The following PAM variants were observed in gnomAD, a reference collection of about 807,000 sequenced individuals.
PAM encodes peptidyl-glycine alpha-amidating monooxygenase.
Under a neutral mutation model 122.1 loss-of-function variants are expected in PAM, and 72 were observed. The observed-to-expected ratio is 0.59, with a 90% CI of 0.49 to 0.72. The LOEUF is 0.72. PAM is among the 30% of genes least tolerant of loss of function. PAM has a pLI of 0.00. For synonymous variants in PAM, 389 were observed against 404.4 expected, an observed-to-expected ratio of 0.96 and a Z score of 0.46; for missense variants, 1,106 against 1,183.7, an observed-to-expected ratio of 0.93 and a Z score of 0.96.
chr5:102,924,808 A>T, intron 5 of PAM, 149 bp from the exon 6 acceptor site: 1 of 555,960 alleles, frequency 1.8e-6, no homozygotes, highest in Non-Finnish European at 3.3e-6. Context: ...TCCAGTCTTT[A>T]TTCGGATCTT....
intron 1 of PAM, among the ~76,000 whole-genome samples, chr5:102,805,607 T>C (rs1444476953): frequency 6.6e-6 from 1 of 152,188 alleles, no homozygotes; most frequent in Non-Finnish European, 1.5e-5. Context: ...TCTGTGGGTG[T>C]GTACTTCACA....
chr5:102,991,717 A>C (rs1231590699), intron 16 of PAM, among the ~76,000 whole-genome samples: 1 of 152,196 alleles, frequency 6.6e-6, no homozygotes, highest in Non-Finnish European at 1.5e-5. Context: ...ATCACTTCAG[A>C]GTTCAAAGTA....
At chr5:102,789,500 C>T (rs1761486239) in intron 1 of PAM, among the ~76,000 whole-genome samples, 2 of 152,122 alleles carry the variant, frequency 1.3e-5, no homozygotes, top group South Asian at 4.1e-4. Context: ...CATGGCTGAT[C>T]CTTGAAGACA....
At chr5:102,935,488 T>C (rs1029165753) in intron 7 of PAM, among the ~76,000 whole-genome samples, 7 of 152,146 alleles carry the variant, frequency 4.6e-5, no homozygotes, top group African/African-American at 1.7e-4. Context: ...TTTTTGCTAT[T>C]ATAAGCAATG....
chr5:103,002,864 C>T (rs1350407527), intron 16 of PAM, among the ~76,000 whole-genome samples, 169 bp from the exon 17 acceptor site: 3 of 152,126 alleles, frequency 2.0e-5, no homozygotes, highest in Non-Finnish European at 4.4e-5. Context: ...CATGGTTCTA[C>T]AGGTTAATGG....
chr5:103,007,374 T>C, intron 19 of PAM, 83 bp from the exon 20 acceptor site: 1 of 1,103,064 alleles, frequency 9.1e-7, no homozygotes, highest in Non-Finnish European at 1.4e-6. Context: ...TGGTTTACTA[T>C]CATGAATTTA....
chr5:102,901,820 C>G (rs1008370184), intron 4 of PAM, among the ~76,000 whole-genome samples: 2 of 150,626 alleles, frequency 1.3e-5, no homozygotes, highest in South Asian at 4.2e-4. Flanking sequence ...ACCTGTCAGA[C>G]AGGTAGATGG....
intron 15 of PAM, among the ~76,000 whole-genome samples, chr5:102,985,840 T>TGAG (rs1771641889): frequency 6.6e-6 from 1 of 152,074 alleles, no homozygotes; most frequent in African/African-American, 2.4e-5. Context: ...TGCAAAATCC[T>TGAG]CAACACAGTA....
At chr5:103,003,955 C>CA (rs35343295) in intron 17 of PAM, among the ~76,000 whole-genome samples, 1,678 of 127,780 alleles carry the variant, frequency 0.013, 9 homozygotes, top group African/African-American at 0.016. Flanking sequence ...ACTTGGCAGC[C>CA]AAAAAAAAAA....
chr5:102,789,665 G>A (rs1761538020), intron 1 of PAM, among the ~76,000 whole-genome samples: 1 of 152,042 alleles, frequency 6.6e-6, no homozygotes, highest in African/African-American at 2.4e-5. Flanking sequence ...TATTTAATAG[G>A]TACAGAGTTT....
rs1582911774 is a variant in PAM, at chr5:103,013,884, G to T, written c.2332-3450G>T. Among the ~76,000 whole-genome samples, 5 of 151,918 alleles carry T rather than the reference G, an allele frequency of 3.3e-5. No homozygotes were observed. In the South Asian group the frequency reaches 1.0e-3, roughly 32 times the overall value. On this transcript the variant is annotated intron_variant, in intron 21 of 25. Transcript: ENST00000438793. Reference sequence around the variant, plus strand: ...TTCCAGTATACATTCCTTTCTTTAGGTTTCTATTTATATAAACAAATAAGA... The same window carrying T: ...TTCCAGTATACATTCCTTTCTTTAGTTTTCTATTTATATAAACAAATAAGA...
At position 102,965,058 on chromosome 5, in the gene PAM, T is replaced by G. The variant is rs151243901; in HGVS notation, c.1162+3829T>G. Among the ~76,000 whole-genome samples the G allele has an allele frequency of 4.2e-3, 631 of 151,458 alleles. 6 individuals carry two copies. The highest frequency in any genetic ancestry group is 0.014 in the African/African-American group (595 of 41,328). On this transcript the variant is annotated intron_variant, in intron 14 of 25. Coordinates refer to ENST00000438793, the MANE Select transcript of PAM (RefSeq NM_001177306.2). ...TTACCTATATATGTAATAAGTACAA[T>G]AAACTATACAATAGACTCAATTAGG... is the stretch of plus-strand genomic sequence containing the variant.
chr5:102,967,580 T>C, intron 14 of PAM, among the ~76,000 whole-genome samples: 1 of 152,320 alleles, frequency 6.6e-6, no homozygotes, highest in South Asian at 2.1e-4. Context: ...GACTTTTTTA[T>C]ATAAAACTAT....
At chr5:103,018,977 A>G (rs1782801185) in intron 22 of PAM, among the ~76,000 whole-genome samples, 1 of 152,128 alleles carries the variant, frequency 6.6e-6, no homozygotes, top group African/African-American at 2.4e-5. Flanking sequence ...TAATGACACC[A>G]CTGATCTGAC....
intron 16 of PAM, among the ~76,000 whole-genome samples, chr5:102,998,907 A>G (rs1776537950): frequency 6.6e-6 from 1 of 152,218 alleles, no homozygotes. Context: ...GCTGCTAATA[A>G]AGACATACTT....
chr5:102,908,339 T>C (rs2151495232), intron 4 of PAM, among the ~76,000 whole-genome samples: 1 of 152,106 alleles, frequency 6.6e-6, no homozygotes, highest in South Asian at 2.1e-4. Context: ...TATATCTCTG[T>C]TTTGGTACCA....
intron 1 of PAM, among the ~76,000 whole-genome samples, chr5:102,824,273 G>A (rs1014335818): frequency 1.3e-5 from 2 of 152,178 alleles, no homozygotes; most frequent in Non-Finnish European, 1.5e-5. Context: ...ATTCCGTGGC[G>A]AGGAGGGTTC....
In PAM at chr5:102,926,569, TTTTGTAAATC is replaced by T. The variant is rs1341173017; in HGVS notation, c.443-12_443-3del. 2 of 1,488,452 alleles carry T rather than the reference TTTTGTAAATC, an allele frequency of 1.3e-6. No homozygotes were observed. The highest frequency in any genetic ancestry group is 2.8e-5 in the African/African-American group (2 of 72,466). The allele number at this position is 1,488,452 out of a possible 1,614,324, so 92.2% of individuals were successfully genotyped here. A position where few individuals can be genotyped will look rare whatever the true frequency, so the allele number is the denominator to read the frequency against. ...ATGCTCATTTCTAATATATTAACTT[TTTTGTAAATC>T]TTTAGGTGTTGGATTCAGAGTTGGA... On this transcript the variant is annotated splice_region_variant and splice_polypyrimidine_tract_variant and intron_variant, in intron 6 of 25. Transcript: ENST00000438793.
chr5:102,962,313 TAATTTAA>T lies in PAM; in HGVS notation c.1162+1088_1162+1094del, dbSNP rs1762742406. On this transcript the variant is annotated intron_variant, in intron 14 of 25. Transcript: ENST00000438793. ...TAGCTCAAAGCACTAAATGGCTGAG[TAATTTAA>T]AATAGCTAAATTTATCAATCCTGTT... Among the ~76,000 whole-genome samples the T allele has an allele frequency of 2.6e-5, 4 of 151,810 alleles. No individual in the cohort carries two copies. In the South Asian group the frequency reaches 8.3e-4, roughly 31 times the overall value.
Sources: allele counts gnomAD v4.1 joint callset (sites outside exome capture counted in the v4.1 genomes callset), GRCh38; gene constraint gnomAD v4.1.1; transcripts MANE v1.5; gene names NCBI Gene and HGNC (gene_info 2026-07-23, HGNC 2026-07-21).